SLC9A2: variants seen among roughly 807,000 people sequenced by gnomAD.
SLC9A2 encodes the protein solute carrier family 9 member A2.
Under a neutral mutation model 71.7 loss-of-function variants are expected in SLC9A2, and 42 were observed. The ratio of observed to expected loss-of-function variants is 0.59; its 90% CI spans 0.46 to 0.76. SLC9A2 has a LOEUF of 0.76. Among genes scored for constraint, SLC9A2 ranks in the 30% least tolerant of loss-of-function variants. The probability of loss-of-function intolerance (pLI) is 0.00; values close to 1 mark genes in which losing one functional copy is unlikely to be tolerated. For synonymous variants in SLC9A2, 396 were observed against 392.5 expected (o/e 1.01, Z -0.10); for missense variants, 829 against 1,017.4 (o/e 0.81, Z 2.52).
chr2:102,624,198 A>C lies in SLC9A2; in HGVS notation c.289+4061A>C, dbSNP rs1364704048. Among the ~76,000 whole-genome samples, 3 of 152,188 alleles carry C rather than the reference A, an allele frequency of 2.0e-5. No individual in the cohort carries two copies. The South Asian group carries it at 6.2e-4, about 32-fold the overall frequency. On this transcript the variant is annotated intron_variant, in intron 1 of 11. Coordinates refer to ENST00000233969, the MANE Select transcript of SLC9A2 (RefSeq NM_003048.6). ...TCAAAATATTTTTTTAAAGCACAGC[A>C]AATTTAGTACACCTCGGAAAAGCTT... is the stretch of plus-strand genomic sequence containing the variant.
chr2:102,696,708 C>G (rs1677775400), intron 7 of SLC9A2, among the ~76,000 whole-genome samples: 1 of 152,164 alleles, frequency 6.6e-6, no homozygotes, highest in South Asian at 2.1e-4. Flanking sequence ...CTGTTTACTA[C>G]TGTAGACAGG....
intron 3 of SLC9A2, among the ~76,000 whole-genome samples, chr2:102,666,708 G>C (rs1472890503): frequency 2.0e-5 from 3 of 152,176 alleles, no homozygotes; most frequent in Non-Finnish European, 2.9e-5. Context: ...TGCTCATTGG[G>C]TGTGGATGTT....
At chr2:102,688,078 G>C (rs1016731656) in intron 5 of SLC9A2, among the ~76,000 whole-genome samples, 1 of 152,052 alleles carries the variant, frequency 6.6e-6, no homozygotes, top group Non-Finnish European at 1.5e-5. Context: ...CACCATGCCC[G>C]GCCGTGGAAT....
In SLC9A2 at chr2:102,701,086, G is replaced by A; in HGVS notation, c.1603G>A (p.Asp535Asn). 6.2e-7 allele frequency: 1 copy of A among 1,601,462 alleles called. No homozygotes were observed. The highest frequency in any genetic ancestry group is 8.5e-7 in the Non-Finnish European group (1 of 1,174,922). ...FWRDKFKKFD[D>N]KYLRKLLIRE... ...TATTTACAGGTTTAAGAAGTTTGAT[G>A]ATAAATATCTGCGGAAGCTTTTGAT... is the stretch of plus-strand genomic sequence containing the variant. The change falls in exon 8 of 12, where the codon GAT becomes AAT. Residue 535 changes from aspartate to asparagine, a missense_variant. By Grantham distance (23) the Asp-to-Asn change is conservative. This residue lies in a region of SLC9A2 where 500 missense variants were observed against 726.3 expected (regional missense o/e 0.69). Transcript: ENST00000233969.
chr2:102,657,440 G>A, intron 1 of SLC9A2, 124 bp from the exon 2 acceptor site: 1 of 639,666 alleles, frequency 1.6e-6, no homozygotes, highest in Non-Finnish European at 2.7e-6. Flanking sequence ...CCATTGTAAA[G>A]ACAGTGATAC....
chr2:102,693,254 A>G (rs1368074333), intron 5 of SLC9A2, among the ~76,000 whole-genome samples: 4 of 152,148 alleles, frequency 2.6e-5, no homozygotes, highest in East Asian at 3.8e-4. Context: ...CAAAAACTCA[A>G]TCATCCAGGA....
At chr2:102,623,397 C>A (rs1269781212) in intron 1 of SLC9A2, among the ~76,000 whole-genome samples, 4 of 152,062 alleles carry the variant, frequency 2.6e-5, no homozygotes, top group African/African-American at 9.7e-5. Flanking sequence ...TGCATAGAGC[C>A]CAGCCTCGTC....
At chr2:102,647,691 C>T (rs961248464) in intron 1 of SLC9A2, among the ~76,000 whole-genome samples, 1 of 152,064 alleles carries the variant, frequency 6.6e-6, no homozygotes, top group African/African-American at 2.4e-5. Flanking sequence ...ATACAAAATA[C>T]CATCAGAGAA....
chr2:102,676,515 A>G (rs1677348689), intron 3 of SLC9A2, among the ~76,000 whole-genome samples: 1 of 152,252 alleles, frequency 6.6e-6, no homozygotes, highest in Non-Finnish European at 1.5e-5. Context: ...TTCATGATTA[A>G]TCCAGGATTT....
intron 2 of SLC9A2, among the ~76,000 whole-genome samples, chr2:102,664,566 G>A (rs1677100879): frequency 1.3e-5 from 2 of 151,970 alleles, no homozygotes; most frequent in South Asian, 4.2e-4. Context: ...GGCGGGGAGA[G>A]GAGGTGGAGT....
chr2:102,622,659 G>C (rs1238943723), intron 1 of SLC9A2, among the ~76,000 whole-genome samples: 1 of 152,116 alleles, frequency 6.6e-6, no homozygotes, highest in African/African-American at 2.4e-5. Flanking sequence ...TTTCCAGAAG[G>C]CTTGTTCTTT....
chr2:102,705,720 T>G, intron 10 of SLC9A2, 126 bp from the exon 11 acceptor site: 1 of 548,264 alleles, frequency 1.8e-6, no homozygotes, highest in Admixed American at 3.7e-5. Context: ...CCTCACAAAG[T>G]AATTTTGGAA....
chr2:102,665,082 T>G lies in SLC9A2; in HGVS notation c.754-18T>G, dbSNP rs1573415321. 1.1e-6 allele frequency: 1 copy of G among 925,540 alleles called. No individual in the cohort carries two copies. The highest frequency in any genetic ancestry group is 1.5e-6 in the Non-Finnish European group (1 of 681,580). 57.3% of individuals were successfully genotyped at this position (925,540 alleles called of 1,614,324 possible). ...AATGGGAAAGGGTCTTGACAAGGTG[T>G]TTTTTTTTTTCCTGCAGGTCCTGTA... is the stretch of plus-strand genomic sequence containing the variant. On this transcript the variant is annotated intron_variant, in intron 2 of 11. Coordinates refer to ENST00000233969, the MANE Select transcript of SLC9A2 (RefSeq NM_003048.6).
chr2:102,662,292 C>T (rs998843602), intron 2 of SLC9A2, among the ~76,000 whole-genome samples: 3 of 152,184 alleles, frequency 2.0e-5, no homozygotes, highest in South Asian at 2.1e-4. Context: ...TAGGAATGTG[C>T]GACCCAGCTG....
intron 10 of SLC9A2, among the ~76,000 whole-genome samples, chr2:102,704,949 A>C (rs1400462963): frequency 6.6e-6 from 1 of 152,146 alleles, no homozygotes; most frequent in African/African-American, 2.4e-5. Flanking sequence ...AAATGCCAGC[A>C]CTTTGGGAAG....
At chr2:102,624,160 C>CT (rs1676198818) in intron 1 of SLC9A2, among the ~76,000 whole-genome samples, 1 of 152,090 alleles carries the variant, frequency 6.6e-6, no homozygotes, top group Non-Finnish European at 1.5e-5. Context: ...TGAGTATGTG[C>CT]TTATGAAGTA....
intron 5 of SLC9A2, among the ~76,000 whole-genome samples, chr2:102,690,929 A>C (rs1281467949): frequency 6.6e-6 from 1 of 150,780 alleles, no homozygotes; most frequent in Non-Finnish European, 1.5e-5. Context: ...TGCAAATATT[A>C]ATTCCAAAAA....
At chr2:102,634,711 AT>A (rs879521086) in intron 1 of SLC9A2, among the ~76,000 whole-genome samples, 2 of 152,012 alleles carry the variant, frequency 1.3e-5, no homozygotes, top group Non-Finnish European at 2.9e-5. Context: ...TAAAAAAATC[AT>A]TTTTTTTCTG....
chr2:102,628,515 C>T (rs982330886), intron 1 of SLC9A2, among the ~76,000 whole-genome samples: 9 of 151,996 alleles, frequency 5.9e-5, no homozygotes, highest in African/African-American at 1.4e-4. Context: ...TTTGGAAGAA[C>T]GGCAATATAT....
Sources: allele counts gnomAD v4.1 joint callset (sites outside exome capture counted in the v4.1 genomes callset), GRCh38; gene constraint gnomAD v4.1.1; regional missense constraint gnomAD v4.1.1; transcripts MANE v1.5; gene names NCBI Gene and HGNC (gene_info 2026-07-23, HGNC 2026-07-21).